TOX2: variants seen among roughly 807,000 people sequenced by gnomAD.
TOX2 encodes the protein TOX high mobility group box family member 2.
Under a neutral mutation model 47.4 loss-of-function variants are expected in TOX2, and 15 were observed. That is an observed-to-expected ratio of 0.32 (90% CI 0.21 to 0.49). TOX2 has a LOEUF of 0.49. Among genes scored for constraint, TOX2 ranks in the 20% least tolerant of loss-of-function variants. The probability of loss-of-function intolerance (pLI) is 0.99; values close to 1 mark genes in which losing one functional copy is unlikely to be tolerated. For synonymous variants in TOX2, 290 were observed against 296.6 expected (o/e 0.98, Z 0.23); for missense variants, 622 against 673.1 (o/e 0.92, Z 0.84).
intron 5 of TOX2, among the ~76,000 whole-genome samples, chr20:44,056,783 G>A (rs2071625973): frequency 6.6e-6 from 1 of 152,038 alleles, no homozygotes; most frequent in South Asian, 2.1e-4. Flanking sequence ...TAACTGCCAA[G>A]CTTACTATTT....
chr20:43,988,207 C>T (rs191396134), intron 2 of TOX2, among the ~76,000 whole-genome samples: 12 of 152,184 alleles, frequency 7.9e-5, no homozygotes, highest in Admixed American at 3.3e-4. Context: ...CGTGAGCCAC[C>T]GCACCTGGCC....
chr20:43,995,036 T>C (rs1009119387), intron 2 of TOX2, among the ~76,000 whole-genome samples: 2 of 151,154 alleles, frequency 1.3e-5, no homozygotes, highest in African/African-American at 4.9e-5. Context: ...CTCCCCCACC[T>C]CCTCCAGAAT....
chr20:43,943,814 GC>G (rs1270081233), intron 1 of TOX2, among the ~76,000 whole-genome samples: 27 of 152,098 alleles, frequency 1.8e-4, no homozygotes, highest in Admixed American at 1.8e-3. Flanking sequence ...ATCAACAAAT[GC>G]CCATCATTTT....
At chr20:44,032,343 C>G (rs999800414) in intron 3 of TOX2, among the ~76,000 whole-genome samples, 1 of 152,224 alleles carries the variant, frequency 6.6e-6, no homozygotes, top group African/African-American at 2.4e-5. Flanking sequence ...GCCAGCTTCT[C>G]TGGCCTCTAC....
chr20:43,992,808 A>G (rs1332266845), intron 2 of TOX2, among the ~76,000 whole-genome samples: 2 of 150,776 alleles, frequency 1.3e-5, no homozygotes, highest in Non-Finnish European at 2.9e-5. Context: ...GGCAGAGGTA[A>G]TGCTGGTTTT....
intron 5 of TOX2, among the ~76,000 whole-genome samples, chr20:44,057,203 G>T (rs372287464): frequency 6.6e-6 from 1 of 152,186 alleles, no homozygotes; most frequent in Non-Finnish European, 1.5e-5. Context: ...TTAGAGGCAT[G>T]AGCCACTATA....
intron 1 of TOX2, among the ~76,000 whole-genome samples, chr20:43,972,615 A>G (rs2069994938): frequency 6.6e-6 from 1 of 152,234 alleles, no homozygotes; most frequent in African/African-American, 2.4e-5. Context: ...CACCATCCCC[A>G]TTTAACAGAT....
chr20:44,032,824 C>G (rs925021748), intron 3 of TOX2, among the ~76,000 whole-genome samples: 7 of 152,162 alleles, frequency 4.6e-5, no homozygotes, highest in African/African-American at 1.7e-4. Context: ...CAAAACCAGC[C>G]CCCAAAGGGG....
At chr20:44,014,245 A>G (rs2070835079) in intron 3 of TOX2, among the ~76,000 whole-genome samples, 1 of 151,270 alleles carries the variant, frequency 6.6e-6, no homozygotes. Context: ...GGTACACCCC[A>G]ATGTGCAGTA....
chr20:44,025,108 ACT>A (rs1167105504), intron 3 of TOX2, among the ~76,000 whole-genome samples: 1 of 151,900 alleles, frequency 6.6e-6, no homozygotes, highest in Non-Finnish European at 1.5e-5. Context: ...TCTATTATAA[ACT>A]CTCTTGGGAT....
At chr20:44,003,360 A>ATT (rs940633024) in intron 2 of TOX2, among the ~76,000 whole-genome samples, 1 of 149,782 alleles carries the variant, frequency 6.7e-6, no homozygotes, top group East Asian at 2.0e-4. Context: ...GAATTTTTGT[A>ATT]TTTTTTTTTG....
At chr20:43,982,017 G>A (rs980667052) in intron 2 of TOX2, among the ~76,000 whole-genome samples, 1 of 151,962 alleles carries the variant, frequency 6.6e-6, no homozygotes, top group African/African-American at 2.4e-5. Flanking sequence ...GAAGCTCTGG[G>A]TTTAGGAGGG....
rs149689907 is a variant in TOX2, at chr20:43,934,947, G to A, written c.99+19957G>A. On this transcript the variant is annotated intron_variant, in intron 1 of 8. Coordinates refer to ENST00000341197, the MANE Select transcript of TOX2 (RefSeq NM_001098797.2). ...ATTTTTGCTGTAAGTGTTTTGTGGG[G>A]CAGAGGCCAGGCTAAGCTGCCGACA... Among the ~76,000 whole-genome samples, 131 of 152,198 alleles carry A rather than the reference G, an allele frequency of 8.6e-4. 1 individual carries two copies. The highest frequency in any genetic ancestry group is 2.9e-3 in the African/African-American group (121 of 41,528).
chr20:43,963,266 G>A (rs1262049443), intron 1 of TOX2, among the ~76,000 whole-genome samples: 2 of 152,106 alleles, frequency 1.3e-5, no homozygotes, highest in African/African-American at 2.4e-5. Flanking sequence ...ACTACCCCTC[G>A]ATGCCTTTTA....
intron 1 of TOX2, among the ~76,000 whole-genome samples, chr20:43,929,882 G>A (rs759852899): frequency 5.9e-5 from 9 of 151,882 alleles, no homozygotes; most frequent in Non-Finnish European, 1.0e-4. Flanking sequence ...GCTACTTTTT[G>A]TATTTTTAGT....
intron 3 of TOX2, chr20:44,007,223 T>G (rs762092562): frequency 7.8e-5 from 14 of 179,482 alleles, no homozygotes; most frequent in Non-Finnish European, 8.3e-5. Context: ...TTTAGAACAT[T>G]TCATCACCCC....
At chr20:44,053,367 C>T (rs144964545) in intron 4 of TOX2, among the ~76,000 whole-genome samples, 63 of 151,710 alleles carry the variant, frequency 4.2e-4, no homozygotes, top group African/African-American at 1.4e-3. Context: ...TGAAACATGG[C>T]GGTGGAGACC....
At chr20:43,952,036 AC>A (rs914390455) in intron 1 of TOX2, among the ~76,000 whole-genome samples, 4 of 151,554 alleles carry the variant, frequency 2.6e-5, no homozygotes, top group Admixed American at 2.6e-4. Context: ...AGCTGGAACT[AC>A]AGGCATGTGC....
At chr20:44,049,522 T>C (rs2071472285) in intron 3 of TOX2, among the ~76,000 whole-genome samples, 1 of 152,234 alleles carries the variant, frequency 6.6e-6, no homozygotes, top group Non-Finnish European at 1.5e-5. Context: ...CCAGGGTATA[T>C]ATGCAGGATG....
Sources: gnomAD v4.1 joint callset for allele counts (sites outside exome capture counted in the v4.1 genomes callset) on GRCh38, gnomAD v4.1.1 for gene constraint, MANE v1.5 for transcripts, NCBI Gene and HGNC (gene_info 2026-07-23, HGNC 2026-07-21) for gene names.